Variants in ST8SIA6 observed in about 807,000 individuals in gnomAD.
The protein encoded by ST8SIA6 is ST8 alpha-N-acetyl-neuraminide alpha-2,8-sialyltransferase 6.
A neutral mutation model predicts 33.6 loss-of-function variants in ST8SIA6; 39 were observed. That is an observed-to-expected ratio of 1.16 (90% CI 0.90 to 1.52). The LOEUF is 1.52. Among genes scored for constraint, ST8SIA6 ranks in the 40% most tolerant of loss-of-function variants. The pLI is 0.00. For synonymous variants in ST8SIA6, 172 were observed against 167.2 expected (o/e 1.03, Z -0.22); for missense variants, 441 against 443.8 (o/e 0.99, Z 0.06).
At chr10:17,345,323 A>C (rs938187480) in intron 4 of ST8SIA6, among the ~76,000 whole-genome samples, 2 of 152,242 alleles carry the variant, frequency 1.3e-5, no homozygotes, top group African/African-American at 4.8e-5. Flanking sequence ...TAATTAAAGC[A>C]AAGTACAAGC....
intron 4 of ST8SIA6, among the ~76,000 whole-genome samples, chr10:17,347,071 C>A (rs776810775): frequency 6.6e-6 from 1 of 152,064 alleles, no homozygotes; most frequent in African/African-American, 2.4e-5. Flanking sequence ...GAGATGAGAC[C>A]CACCCACATT....
rs1847848485 is a variant in ST8SIA6, at chr10:17,318,703, T to C, written c.*2175A>G. ...GTGGCGAATCTACAAATCTACAAGA[T>C]GGAGTTTATAGTTTTTCTTTTTGTT... On this transcript the variant is annotated 3_prime_UTR_variant, in exon 8 of 8. Transcript: ENST00000377602. The C allele has an allele frequency of 2.1e-6, 1 of 471,054 alleles. No individual in the cohort carries two copies. Among genetic ancestry groups the C allele is most frequent in the African/African-American group, 2.0e-5 (1 of 50,082 alleles). 29.2% of individuals were successfully genotyped at this position (471,054 alleles called of 1,614,324 possible).
intron 2 of ST8SIA6, among the ~76,000 whole-genome samples, chr10:17,400,023 A>AG (rs1564445748): frequency 6.6e-6 from 1 of 152,182 alleles, no homozygotes. Flanking sequence ...TCAAAGGAGA[A>AG]TGCAGAGCAC....
At chr10:17,321,470 C>G in intron 7 of ST8SIA6, 124 bp from the exon 8 acceptor site, 1 of 755,700 alleles carries the variant, frequency 1.3e-6, no homozygotes, top group East Asian at 2.7e-5. Flanking sequence ...GTATATAAAA[C>G]AGATAAAGTG....
intron 2 of ST8SIA6, among the ~76,000 whole-genome samples, chr10:17,394,804 A>G (rs559194136): frequency 6.6e-6 from 1 of 152,174 alleles, no homozygotes; most frequent in Non-Finnish European, 1.5e-5. Flanking sequence ...TTTTTTAAAA[A>G]ATGCTGATTT....
At chr10:17,378,332 G>T (rs569471720) in intron 3 of ST8SIA6, among the ~76,000 whole-genome samples, 194 of 152,278 alleles carry the variant, frequency 1.3e-3, no homozygotes, top group Non-Finnish European at 2.1e-3. Context: ...ACAGCTATTT[G>T]TCACTCTCAA....
chr10:17,445,158 T>C (rs781630065), intron 2 of ST8SIA6, among the ~76,000 whole-genome samples: 43 of 152,364 alleles, frequency 2.8e-4, no homozygotes, highest in South Asian at 1.7e-3. Flanking sequence ...CACACTCATC[T>C]TGAATTTTCT....
chr10:17,318,795 T>A lies in ST8SIA6; in HGVS notation c.*2083A>T. ...ACAAAAAGAACTGTGACTTACGTTT[T>A]ACAGTTTACATAGCTGACATGCTGT... On this transcript the variant is annotated 3_prime_UTR_variant, in exon 8 of 8. Transcript: ENST00000377602. 2.2e-6 allele frequency: 1 copy of A among 462,488 alleles called. No homozygotes were observed. Among genetic ancestry groups the A allele is most frequent in the Non-Finnish European group, 4.4e-6 (1 of 225,018 alleles). The allele number at this position is 462,488 out of a possible 1,614,324, so 28.6% of individuals were successfully genotyped here. A position where few individuals can be genotyped will look rare whatever the true frequency, so the allele number is the denominator to read the frequency against.
rs1252249097 is a variant in ST8SIA6, at chr10:17,390,532, C to CT, written c.288dup (p.Gly97ArgfsTer30). On this transcript the variant is annotated frameshift_variant and splice_region_variant, in exon 3 of 8. Transcript: ENST00000377602. LOFTEE classifies it high-confidence loss of function. ...TTAAATGTGAAGAGTAGAACTTACC[C>CT]TTTCGTTTTGTTAGAGAAAGACTCA... 6.2e-7 allele frequency: 1 copy of CT among 1,610,510 alleles called. No homozygotes were observed. Among genetic ancestry groups the CT allele is most frequent in the Non-Finnish European group, 8.5e-7 (1 of 1,178,040 alleles).
intron 2 of ST8SIA6, among the ~76,000 whole-genome samples, chr10:17,452,769 C>A (rs1406694046): frequency 1.3e-5 from 2 of 151,896 alleles, no homozygotes; most frequent in African/African-American, 2.4e-5. Context: ...TGCAACAATC[C>A]AAAGCAATGT....
intron 2 of ST8SIA6, among the ~76,000 whole-genome samples, chr10:17,424,935 A>G (rs1000961715): frequency 4.0e-5 from 6 of 151,762 alleles, no homozygotes; most frequent in Non-Finnish European, 8.8e-5. Flanking sequence ...GGGTTTCTCC[A>G]TGTTGGCCAG....
intron 2 of ST8SIA6, among the ~76,000 whole-genome samples, chr10:17,431,104 G>A (rs1012857376): frequency 2.0e-5 from 3 of 152,096 alleles, no homozygotes; most frequent in Non-Finnish European, 4.4e-5. Flanking sequence ...CAACTACAAA[G>A]GCAAAGCCTC....
intron 2 of ST8SIA6, among the ~76,000 whole-genome samples, chr10:17,420,209 C>T (rs890500889): frequency 6.6e-6 from 1 of 152,078 alleles, no homozygotes; most frequent in Non-Finnish European, 1.5e-5. Flanking sequence ...GTCAGGAGAT[C>T]GAGACCATCC....
intron 2 of ST8SIA6, among the ~76,000 whole-genome samples, chr10:17,404,769 C>G (rs1428829022): frequency 6.6e-6 from 1 of 152,194 alleles, no homozygotes; most frequent in Non-Finnish European, 1.5e-5. Context: ...ACCCCAATCT[C>G]TCTTTCCTAC....
chr10:17,453,476 C>T, intron 2 of ST8SIA6, 83 bp downstream of exon 2: 1 of 1,098,258 alleles, frequency 9.1e-7, no homozygotes, highest in Non-Finnish European at 1.2e-6. Flanking sequence ...CTACTCCCAA[C>T]GAGTCCAAGC....
chr10:17,347,219 A>G (rs1375017657), intron 4 of ST8SIA6, among the ~76,000 whole-genome samples: 5 of 152,236 alleles, frequency 3.3e-5, no homozygotes. Context: ...GACACATACA[A>G]TTAGCCATCC....
chr10:17,334,529 A>T, intron 4 of ST8SIA6, among the ~76,000 whole-genome samples: 1 of 143,214 alleles, frequency 7.0e-6, no homozygotes, highest in Non-Finnish European at 1.5e-5. Flanking sequence ...ACAGAGCGAG[A>T]CTCCGTTTCA....
chr10:17,374,454 C>T (rs1849833077), intron 3 of ST8SIA6, among the ~76,000 whole-genome samples: 1 of 127,210 alleles, frequency 7.9e-6, no homozygotes, highest in Non-Finnish European at 1.7e-5. Context: ...TGGCTCATGC[C>T]TATGATTATA....
intron 4 of ST8SIA6, among the ~76,000 whole-genome samples, chr10:17,340,669 G>T (rs1246431933): frequency 1.3e-5 from 2 of 152,090 alleles, no homozygotes; most frequent in East Asian, 1.9e-4. Context: ...TATTTCTTTT[G>T]CAGCACCAAA....
Sources: gnomAD v4.1 joint callset for allele counts (sites outside exome capture counted in the v4.1 genomes callset) on GRCh38, gnomAD v4.1.1 for gene constraint, MANE v1.5 for transcripts, NCBI Gene and HGNC (gene_info 2026-07-23, HGNC 2026-07-21) for gene names.